Variants in ZBTB20 observed in about 807,000 individuals in gnomAD.
ZBTB20 encodes the protein zinc finger and BTB domain containing 20.
In ZBTB20, 9 loss-of-function variants were observed where a neutral mutation model predicts 56.9. The ratio of observed to expected loss-of-function variants is 0.16; its 90% confidence interval spans 0.10 to 0.28. The LOEUF (loss-of-function observed/expected upper bound fraction) is 0.28, where lower values mean the gene tolerates loss of function less well. Ranked by LOEUF, ZBTB20 falls within the 10% of genes least tolerant of loss-of-function variation. ZBTB20 has a pLI of 1.00. For missense variants in ZBTB20, 655 were observed against 1,003.0 expected, an observed-to-expected ratio of 0.65 and a Z score of 4.69; for synonymous variants, 417 against 420.7, an observed-to-expected ratio of 0.99 and a Z score of 0.11.
chr3:114,836,567 C>T (rs1166812613), intron 4 of ZBTB20, among the ~76,000 whole-genome samples: 6 of 152,274 alleles, frequency 3.9e-5, no homozygotes, highest in Middle Eastern at 3.4e-3. Context: ...GTACTTCTCT[C>T]GTCTCAGTGA....
intron 1 of ZBTB20, among the ~76,000 whole-genome samples, chr3:115,100,814 A>G (rs1420418696): frequency 6.6e-6 from 1 of 152,248 alleles, no homozygotes; most frequent in South Asian, 2.1e-4. Flanking sequence ...AATGTGAACA[A>G]ATCAGCTCTG....
Position 114,315,693 on chromosome 3 carries a change from G to C in ZBTB20, c.*23312C>G, listed in dbSNP as rs1165459448. The C allele has an allele frequency of 6.8e-6, 1 of 146,678 alleles. No homozygotes were observed. Among genetic ancestry groups the C allele is most frequent in the African/African-American group, 2.5e-5 (1 of 39,282 alleles). 9.1% of individuals were successfully genotyped at this position (146,678 alleles called of 1,614,324 possible). ...AGAAACATTTCTGTGCAGGGAAAAAGGTTTCTTCGAATCTTATCACAACAC... is the reference window on the plus strand; with the variant it reads ...AGAAACATTTCTGTGCAGGGAAAAACGTTTCTTCGAATCTTATCACAACAC... On this transcript the variant is annotated 3_prime_UTR_variant, in exon 12 of 12. Coordinates refer to ENST00000675478, the MANE Select transcript of ZBTB20 (RefSeq NM_001348800.3).
intron 10 of ZBTB20, among the ~76,000 whole-genome samples, chr3:114,374,277 T>G (rs1047697243): frequency 6.6e-6 from 1 of 152,154 alleles, no homozygotes; most frequent in Admixed American, 6.5e-5. Flanking sequence ...AAGATAAATA[T>G]ATAATTCCTT....
chr3:114,953,912 G>T, intron 3 of ZBTB20, among the ~76,000 whole-genome samples: 1 of 152,046 alleles, frequency 6.6e-6, no homozygotes, highest in East Asian at 1.9e-4. Flanking sequence ...AAATTTTTAG[G>T]TTAACATGAG....
At chr3:114,670,821 G>C (rs917023596) in intron 6 of ZBTB20, among the ~76,000 whole-genome samples, 1 of 152,140 alleles carries the variant, frequency 6.6e-6, no homozygotes, top group African/African-American at 2.4e-5. Flanking sequence ...GCACCCATGT[G>C]TCTTACATCT....
intron 6 of ZBTB20, among the ~76,000 whole-genome samples, chr3:114,544,372 A>G (rs550288865): frequency 6.6e-6 from 1 of 152,230 alleles, no homozygotes; most frequent in East Asian, 1.9e-4. Flanking sequence ...TAACACCAAT[A>G]AAATTACCTG....
Position 114,351,589 on chromosome 3 carries a change from T to A in ZBTB20, c.489A>T (p.Leu163=). 6.2e-7 allele frequency: 1 copy of A among 1,614,084 alleles called. No homozygotes were observed. Among genetic ancestry groups the A allele is most frequent in the South Asian group, 1.1e-5 (1 of 91,070 alleles). ...GCAGAGCTTCCGACTGCGAGACCCG[T>A]AGCACGCCGCTGTACATGAAGTCAA... ...KLIDFMYSGV[L]RVSQSEALQI... Residue 163 remains leucine (L), a synonymous_variant, in exon 11 of 12, where the codon CTA becomes CTT. Transcript: ENST00000675478.
At chr3:114,363,161 G>A (rs1160286968) in intron 10 of ZBTB20, among the ~76,000 whole-genome samples, 1 of 152,126 alleles carries the variant, frequency 6.6e-6, no homozygotes, top group Non-Finnish European at 1.5e-5. Context: ...ACTGTTAAAA[G>A]TTTATAACCA....
chr3:114,426,193 G>A (rs2089640404), intron 7 of ZBTB20, among the ~76,000 whole-genome samples: 1 of 151,934 alleles, frequency 6.6e-6, no homozygotes, highest in Admixed American at 6.6e-5. Flanking sequence ...AACAAAATTA[G>A]CTGGGCGTGG....
intron 3 of ZBTB20, among the ~76,000 whole-genome samples, chr3:114,961,736 T>C (rs1014025210): frequency 1.3e-5 from 2 of 152,134 alleles, no homozygotes; most frequent in African/African-American, 4.8e-5. Flanking sequence ...ACAGGGCTTC[T>C]TTGTTCATTC....
chr3:114,707,513 T>C (rs534543494), intron 5 of ZBTB20, among the ~76,000 whole-genome samples: 6 of 152,282 alleles, frequency 3.9e-5, no homozygotes, highest in Admixed American at 2.0e-4. Flanking sequence ...TATTCTCCCA[T>C]TGTGCTCACA....
chr3:114,509,104 T>C (rs1233029555), intron 6 of ZBTB20, among the ~76,000 whole-genome samples: 1 of 152,082 alleles, frequency 6.6e-6, no homozygotes, highest in African/African-American at 2.4e-5. Context: ...GCTGATAACA[T>C]AGGTTGTTAG....
chr3:114,799,981 G>T (rs1407316667), intron 5 of ZBTB20, among the ~76,000 whole-genome samples: 2 of 151,916 alleles, frequency 1.3e-5, no homozygotes, highest in Non-Finnish European at 2.9e-5. Flanking sequence ...GGAAGCAATT[G>T]TCTGAATCAC....
chr3:114,689,682 G>T (rs1217770899), intron 6 of ZBTB20, among the ~76,000 whole-genome samples: 1 of 152,120 alleles, frequency 6.6e-6, no homozygotes, highest in African/African-American at 2.4e-5. Context: ...GGCATTGATG[G>T]TTCACTTGGG....
chr3:114,753,897 G>T (rs1406834768), intron 5 of ZBTB20, among the ~76,000 whole-genome samples: 1 of 152,050 alleles, frequency 6.6e-6, no homozygotes, highest in Non-Finnish European at 1.5e-5. Flanking sequence ...GAAGGAAAAA[G>T]GTATAGATGT....
chr3:114,487,855 T>C (rs2042306180), intron 7 of ZBTB20, among the ~76,000 whole-genome samples: 1 of 152,188 alleles, frequency 6.6e-6, no homozygotes, highest in African/African-American at 2.4e-5. Flanking sequence ...ATGGAGGACG[T>C]TGATGACATG....
At chr3:114,597,332 A>G (rs1184426320) in intron 6 of ZBTB20, among the ~76,000 whole-genome samples, 1 of 152,206 alleles carries the variant, frequency 6.6e-6, no homozygotes, top group Non-Finnish European at 1.5e-5. Flanking sequence ...TTGACACATG[A>G]TAACAAAAGT....
At chr3:114,843,871 G>A (rs2074515706) in intron 4 of ZBTB20, among the ~76,000 whole-genome samples, 1 of 149,808 alleles carries the variant, frequency 6.7e-6, no homozygotes, top group South Asian at 2.1e-4. Flanking sequence ...ATTTTGAGTA[G>A]AGACAAGGTT....
Position 114,978,437 on chromosome 3 carries a change from A to G in ZBTB20, c.-506-4021T>C, listed in dbSNP as rs1271104076. On this transcript the variant is annotated intron_variant, in intron 2 of 11. Coordinates refer to ENST00000675478, the MANE Select transcript of ZBTB20 (RefSeq NM_001348800.3). ...CAAATTAAATAAACTAAAATATTTT[A>G]GAATAGTGAACTGGTTAGATAAATT... 2.0e-5 allele frequency among the ~76,000 whole-genome samples: 3 copies of G among 151,492 alleles called. No homozygotes were observed. The East Asian group carries it at 5.8e-4, about 29-fold the overall frequency.
Sources: allele counts gnomAD v4.1 joint callset (sites outside exome capture counted in the v4.1 genomes callset), GRCh38; gene constraint gnomAD v4.1.1; transcripts MANE v1.5; gene names NCBI Gene and HGNC (gene_info 2026-07-23, HGNC 2026-07-21).